Variants in MYO5B observed in about 807,000 individuals in gnomAD.
MYO5B encodes the protein myosin VB.
MYO5B carries 143 observed loss-of-function variants against 229.3 expected under a neutral mutation model. The observed-to-expected ratio is 0.62, with a 90% CI of 0.54 to 0.72. The LOEUF (loss-of-function observed/expected upper bound fraction) is 0.72. MYO5B is among the 30% of genes least tolerant of loss of function. MYO5B has a pLI of 0.00. For missense variants in MYO5B, 2,321 were observed against 2,331.0 expected (o/e 1.00, Z 0.09); for synonymous variants, 918 against 885.2 (o/e 1.04, Z -0.66).
chr18:49,989,891 C>T (rs951952070), intron 7 of MYO5B, among the ~76,000 whole-genome samples: 9 of 152,164 alleles, frequency 5.9e-5, no homozygotes, highest in African/African-American at 1.4e-4. Flanking sequence ...TGCCAGTCCA[C>T]GAGAGATCAG....
intron 12 of MYO5B, among the ~76,000 whole-genome samples, chr18:49,958,542 C>A (rs2025521678): frequency 6.6e-6 from 1 of 152,158 alleles, no homozygotes; most frequent in Non-Finnish European, 1.5e-5. Context: ...CCTTTCTGTC[C>A]TTCTCATGGA....
chr18:49,910,282 C>T (rs2024943583), intron 18 of MYO5B, among the ~76,000 whole-genome samples: 2 of 152,118 alleles, frequency 1.3e-5, no homozygotes, highest in Admixed American at 1.3e-4. Context: ...TCCAGAGTTC[C>T]CTCTTTGGGA....
intron 1 of MYO5B, among the ~76,000 whole-genome samples, chr18:50,122,322 C>T (rs2032070782): frequency 6.6e-6 from 1 of 150,832 alleles, no homozygotes; most frequent in Admixed American, 6.7e-5. Flanking sequence ...AGAACCCTGG[C>T]CAGGCGTGGT....
intron 3 of MYO5B, among the ~76,000 whole-genome samples, chr18:50,037,757 A>G (rs1410322354): frequency 6.6e-6 from 1 of 152,192 alleles, no homozygotes; most frequent in African/African-American, 2.4e-5. Flanking sequence ...TTAGCTGGGC[A>G]TGGTGGCATG....
chr18:50,011,011 G>C (rs2026155026), intron 4 of MYO5B, among the ~76,000 whole-genome samples: 1 of 152,058 alleles, frequency 6.6e-6, no homozygotes, highest in South Asian at 2.1e-4. Flanking sequence ...TTCTTCCTTT[G>C]ATAGATACTG....
chr18:50,159,796 C>T (rs907098531), intron 1 of MYO5B, among the ~76,000 whole-genome samples: 2 of 152,212 alleles, frequency 1.3e-5, no homozygotes, highest in African/African-American at 2.4e-5. Context: ...TCTCCTCCTG[C>T]ATCCTCCCCA....
intron 2 of MYO5B, among the ~76,000 whole-genome samples, chr18:50,042,981 C>G (rs528641951): frequency 6.6e-6 from 1 of 152,022 alleles, no homozygotes; most frequent in East Asian, 1.9e-4. Context: ...ACTCTTCCCC[C>G]CAAGGATGTA....
chr18:49,867,702 A>C (rs952977292), intron 27 of MYO5B, among the ~76,000 whole-genome samples: 2 of 152,210 alleles, frequency 1.3e-5, no homozygotes, highest in African/African-American at 4.8e-5. Context: ...GAGGCGGCAC[A>C]ATTTTGAATA....
chr18:50,043,092 A>C (rs1171456901), intron 2 of MYO5B, among the ~76,000 whole-genome samples: 3 of 151,452 alleles, frequency 2.0e-5, no homozygotes, highest in Non-Finnish European at 4.4e-5. Context: ...GTATCTACCC[A>C]GAGGAAAAGA....
chr18:50,117,856 G>A (rs923756232), intron 1 of MYO5B, among the ~76,000 whole-genome samples: 2 of 152,010 alleles, frequency 1.3e-5, no homozygotes, highest in South Asian at 2.1e-4. Flanking sequence ...CACATAGTAC[G>A]CCATGCTTGG....
intron 1 of MYO5B, among the ~76,000 whole-genome samples, chr18:50,184,440 C>T (rs1296156582): frequency 6.6e-6 from 1 of 152,162 alleles, no homozygotes; most frequent in Non-Finnish European, 1.5e-5. Context: ...GATGTTCTGA[C>T]TCACCATAAA....
At chr18:50,161,158 C>G (rs896087237) in intron 1 of MYO5B, among the ~76,000 whole-genome samples, 1 of 152,180 alleles carries the variant, frequency 6.6e-6, no homozygotes, top group African/African-American at 2.4e-5. Flanking sequence ...CCACGGCAGG[C>G]AGATCACCTG....
intron 16 of MYO5B, among the ~76,000 whole-genome samples, chr18:49,933,721 A>G (rs1474111266): frequency 1.3e-5 from 2 of 152,198 alleles, no homozygotes; most frequent in Non-Finnish European, 2.9e-5. Context: ...CTCTGACTCA[A>G]TATGTCAGTG....
At position 49,895,061 on chromosome 18, in the gene MYO5B, C is replaced by G; in HGVS notation, c.2925G>C (p.Glu975Asp). ...ELVHYQQSPG[E>D]DTSLRLQEEV... ...CCTCCTGCAGCCTGAGGCTGGTGTC[C>G]TCACCTGGGCTCTGCTGGTAGTGCA... The change falls in exon 22 of 40, where the codon GAG (glutamate) becomes GAC (aspartate). Residue 975 changes from glutamate (E) to aspartate (D), a missense_variant. Glu to Asp is a conservative substitution (Grantham distance 45, BLOSUM62 2). Around this residue, in one of 2 missense-constraint regions of MYO5B, gnomAD observed 2,113 missense variants for 2,044.7 expected, o/e 1.03. Coordinates refer to ENST00000285039, the MANE Select transcript of MYO5B (RefSeq NM_001080467.3). The G allele has an allele frequency of 6.2e-7, 1 of 1,614,156 alleles. No individual in the cohort carries two copies. The highest frequency in any genetic ancestry group is 8.5e-7 in the Non-Finnish European group (1 of 1,180,036).
chr18:50,084,774 T>C (rs1427098168), intron 1 of MYO5B, among the ~76,000 whole-genome samples: 2 of 152,160 alleles, frequency 1.3e-5, no homozygotes, highest in Non-Finnish European at 2.9e-5. Context: ...TCTACAACCA[T>C]CTGATCTTTG....
At chr18:49,849,814 A>G in intron 31 of MYO5B, 154 bp from the exon 32 acceptor site, 1 of 716,990 alleles carries the variant, frequency 1.4e-6, no homozygotes, top group East Asian at 2.6e-5. Flanking sequence ...GCTGCTCTTC[A>G]CAGGCTGTTG....
intron 27 of MYO5B, among the ~76,000 whole-genome samples, chr18:49,869,913 C>G (rs2024438584): frequency 6.6e-6 from 1 of 152,108 alleles, no homozygotes; most frequent in African/African-American, 2.4e-5. Context: ...GGGCCCCTCT[C>G]ATTACTTCTA....
chr18:49,849,872 A>G, intron 31 of MYO5B: 3 of 591,816 alleles, frequency 5.1e-6, no homozygotes, highest in Non-Finnish European at 9.2e-6. Flanking sequence ...GTCAGAGTCC[A>G]TTCTCTCAAG....
At chr18:49,846,098 G>T (rs2144046592) in intron 33 of MYO5B, among the ~76,000 whole-genome samples, 1 of 152,304 alleles carries the variant, frequency 6.6e-6, no homozygotes, top group East Asian at 1.9e-4. Context: ...TGGGAGGCTG[G>T]CAGGCCAGCC....
Sources: allele counts gnomAD v4.1 joint callset (sites outside exome capture counted in the v4.1 genomes callset), GRCh38; gene constraint gnomAD v4.1.1; regional missense constraint gnomAD v4.1.1; transcripts MANE v1.5; gene names NCBI Gene and HGNC (gene_info 2026-07-23, HGNC 2026-07-21).